Variants in IGSF10 observed in about 807,000 individuals in gnomAD.
IGSF10 encodes calvaria mechanical force protein 608.
A neutral mutation model predicts 128.2 loss-of-function variants in IGSF10; 126 were observed. That is an observed-to-expected ratio of 0.98 (90% CI 0.85 to 1.14). The LOEUF is 1.14. Among genes scored for constraint, IGSF10 ranks in the 50% most tolerant of loss-of-function variants. The pLI, the probability that IGSF10 is intolerant of heterozygous loss-of-function variation, is 0.00. For synonymous variants in IGSF10, 1,185 were observed against 1,146.2 expected, an observed-to-expected ratio of 1.03 and a Z score of -0.68; for missense variants, 3,295 against 3,149.8, an observed-to-expected ratio of 1.05 and a Z score of -1.10.
chr3:151,474,002 G>C, the IGSF10 span, among the ~76,000 whole-genome samples: 1 of 151,880 alleles, frequency 6.6e-6, no homozygotes, highest in Non-Finnish European at 1.5e-5. Flanking sequence ...TGGTGGTAGT[G>C]GGGTATCAGT....
At chr3:151,564,380 G>A in the IGSF10 span, among the ~76,000 whole-genome samples, 2 of 152,002 alleles carry the variant, frequency 1.3e-5, no homozygotes, top group Non-Finnish European at 2.9e-5. Flanking sequence ...TTACATATAT[G>A]TTTTGGCCAG....
the IGSF10 span, among the ~76,000 whole-genome samples, chr3:151,552,570 G>A: frequency 6.6e-6 from 1 of 152,142 alleles, no homozygotes; most frequent in Non-Finnish European, 1.5e-5. Flanking sequence ...GAGGGTCCGA[G>A]GAGGTTCTCA....
chr3:151,524,542 C>T, the IGSF10 span, among the ~76,000 whole-genome samples: 5 of 152,100 alleles, frequency 3.3e-5, no homozygotes, highest in African/African-American at 9.7e-5. Context: ...AAACGAAATA[C>T]CACATGTTCT....
chr3:151,602,531 C>T, the IGSF10 span, among the ~76,000 whole-genome samples: 744 of 152,234 alleles, frequency 4.9e-3, no homozygotes, highest in African/African-American at 0.017. Context: ...TTTTGATTGG[C>T]TTATCACATT....
At chr3:151,440,094 GATC>G (rs1720757810) in intron 7 of IGSF10, among the ~76,000 whole-genome samples, 1 of 152,104 alleles carries the variant, frequency 6.6e-6, no homozygotes, top group African/African-American at 2.4e-5. Context: ...GCAGTGGTGA[GATC>G]ACGGCTCACT....
At chr3:151,534,218 A>G in the IGSF10 span, among the ~76,000 whole-genome samples, 1 of 152,230 alleles carries the variant, frequency 6.6e-6, no homozygotes, top group East Asian at 1.9e-4. Context: ...AGTGTAAATT[A>G]GTTCAACCAT....
At chr3:151,605,873 A>G in the IGSF10 span, among the ~76,000 whole-genome samples, 6 of 152,236 alleles carry the variant, frequency 3.9e-5, no homozygotes, top group Non-Finnish European at 8.8e-5. Flanking sequence ...AGACTATATC[A>G]GAATCAACTG....
At chr3:151,579,903 G>A in the IGSF10 span, among the ~76,000 whole-genome samples, 2 of 151,564 alleles carry the variant, frequency 1.3e-5, no homozygotes, top group Middle Eastern at 3.4e-3. Context: ...AGGAAGGAAG[G>A]AAGGAAGGAA....
At chr3:151,509,965 C>A in the IGSF10 span, among the ~76,000 whole-genome samples, 1 of 152,180 alleles carries the variant, frequency 6.6e-6, no homozygotes, top group African/African-American at 2.4e-5. Flanking sequence ...AGTAGGTAAA[C>A]GAAGTGGCCA....
At chr3:151,501,602 C>G in the IGSF10 span, among the ~76,000 whole-genome samples, 8 of 151,984 alleles carry the variant, frequency 5.3e-5, no homozygotes, top group Non-Finnish European at 1.0e-4. Context: ...CTGCAGGCTC[C>G]TTAGTTTGAG....
chr3:151,519,641 G>C, the IGSF10 span, among the ~76,000 whole-genome samples: 1 of 151,716 alleles, frequency 6.6e-6, no homozygotes, highest in Non-Finnish European at 1.5e-5. Context: ...ATAACTAATA[G>C]ACATCATCTT....
chr3:151,447,255 A>C lies in IGSF10; in HGVS notation c.2726T>G (p.Met909Arg). ...TTGGAAATGCTCTCTTCCTCTTCCCATCTGGTCAGAGTCCTGAAATTCAGT... is the reference window on the plus strand; with the variant it reads ...TTGGAAATGCTCTCTTCCTCTTCCCCTCTGGTCAGAGTCCTGAAATTCAGT... ...GATEFQDSDQMGRGREHFQSR... is the reference protein window; with the variant it reads ...GATEFQDSDQRGRGREHFQSR... The change falls in exon 6 of 8, where the codon ATG becomes AGG. Residue 909 changes from methionine (M) to arginine (R), a missense_variant. Coordinates refer to ENST00000282466, the MANE Select transcript of IGSF10 (RefSeq NM_178822.5). The C allele has an allele frequency of 6.2e-7, 1 of 1,614,166 alleles. No homozygotes were observed. Among genetic ancestry groups the C allele is most frequent in the African/African-American group, 1.3e-5 (1 of 75,034 alleles).
the IGSF10 span, among the ~76,000 whole-genome samples, chr3:151,593,619 C>T: frequency 6.6e-6 from 1 of 151,406 alleles, no homozygotes; most frequent in Admixed American, 6.6e-5. Context: ...AGGCATATTT[C>T]TGACAAATAT....
At chr3:151,552,374 G>A in the IGSF10 span, among the ~76,000 whole-genome samples, 3 of 152,288 alleles carry the variant, frequency 2.0e-5, no homozygotes, top group Admixed American at 1.3e-4. Context: ...ACAGAGACAA[G>A]GTGTTGGGGC....
At chr3:151,619,235 C>T in the IGSF10 span, among the ~76,000 whole-genome samples, 3 of 151,980 alleles carry the variant, frequency 2.0e-5, no homozygotes, top group Admixed American at 6.6e-5. Context: ...TTTTATTATT[C>T]GCTTATCCAT....
At chr3:151,547,014 A>ACCC in the IGSF10 span, among the ~76,000 whole-genome samples, 141 of 110,342 alleles carry the variant, frequency 1.3e-3, no homozygotes, top group African/African-American at 4.4e-3. Context: ...CCGGCGATCC[A>ACCC]CCCCCCCCTT....
chr3:151,502,137 C>T, the IGSF10 span, among the ~76,000 whole-genome samples: 881 of 152,160 alleles, frequency 5.8e-3, 9 homozygotes, highest in African/African-American at 0.02. Context: ...TCCATAGCCA[C>T]GTTTCTACGG....
At chr3:151,566,503 C>T in the IGSF10 span, among the ~76,000 whole-genome samples, 2 of 152,110 alleles carry the variant, frequency 1.3e-5, no homozygotes, top group Non-Finnish European at 2.9e-5. Context: ...ATGTGTTGTC[C>T]CTGCTTTGGG....
the IGSF10 span, among the ~76,000 whole-genome samples, chr3:151,564,056 G>A: frequency 1.4e-4 from 22 of 152,230 alleles, no homozygotes; most frequent in African/African-American, 4.8e-4. Context: ...ATCTTTGCTC[G>A]CTTCCTGTTA....
Sources: gnomAD v4.1 joint callset for allele counts (sites outside exome capture counted in the v4.1 genomes callset) on GRCh38, gnomAD v4.1.1 for gene constraint, MANE v1.5 for transcripts, NCBI Gene and HGNC (gene_info 2026-07-23, HGNC 2026-07-21) for gene names.